KAZN: variants seen among roughly 807,000 people sequenced by gnomAD.
KAZN encodes kazrin.
KAZN carries 40 observed loss-of-function variants against 87.4 expected under a neutral mutation model. That is an observed-to-expected ratio of 0.46 (90% confidence interval 0.36 to 0.60). KAZN has a LOEUF of 0.60. KAZN is among the 20% of genes least tolerant of loss of function. The pLI is 0.00. For synonymous variants in KAZN, 466 were observed against 458.3 expected (o/e 1.02, Z -0.22); for missense variants, 898 against 1,073.9 (o/e 0.84, Z 2.29).
intron 2 of KAZN, among the ~76,000 whole-genome samples, chr1:14,250,853 C>A: frequency 6.6e-6 from 1 of 150,926 alleles, no homozygotes. Context: ...AAAGAAGAAA[C>A]TAAGGGATGA....
intron 8 of KAZN, among the ~76,000 whole-genome samples, chr1:15,076,195 G>C (rs1008702215): frequency 6.6e-6 from 1 of 152,224 alleles, no homozygotes; most frequent in African/African-American, 2.4e-5. Context: ...TTGAGGGCCT[G>C]TCCCCAAATG....
chr1:14,385,946 C>CT (rs1661843307), intron 2 of KAZN, among the ~76,000 whole-genome samples: 1 of 150,516 alleles, frequency 6.6e-6, no homozygotes, highest in African/African-American at 2.5e-5. Flanking sequence ...GTGTGGGAGT[C>CT]TAAGTCTCTT....
intron 2 of KAZN, among the ~76,000 whole-genome samples, chr1:14,299,029 A>T (rs7527386): frequency 0.2 from 30,684 of 152,040 alleles, 3,314 homozygotes; most frequent in East Asian, 0.29. Flanking sequence ...TGTTAATGCA[A>T]CCAGAATAGT....
At chr1:14,285,801 T>G (rs1653201330) in intron 2 of KAZN, among the ~76,000 whole-genome samples, 1 of 152,178 alleles carries the variant, frequency 6.6e-6, no homozygotes, top group African/African-American at 2.4e-5. Flanking sequence ...AATCCTGCAA[T>G]GTAGCCCCTT....
chr1:13,908,503 G>A (rs977995786), intron 1 of KAZN, among the ~76,000 whole-genome samples: 3 of 152,196 alleles, frequency 2.0e-5, no homozygotes, highest in African/African-American at 4.8e-5. Flanking sequence ...AGTTTGTCAG[G>A]TGGTACCACC....
chr1:14,444,178 T>C (rs185241187), intron 2 of KAZN, among the ~76,000 whole-genome samples: 22 of 152,274 alleles, frequency 1.4e-4, no homozygotes, highest in Non-Finnish European at 2.2e-4. Context: ...CAAACCTTCA[T>C]GAGATGTACA....
intron 1 of KAZN, among the ~76,000 whole-genome samples, chr1:14,617,311 A>C (rs1050158703): frequency 6.6e-6 from 1 of 152,232 alleles, no homozygotes; most frequent in Non-Finnish European, 1.5e-5. Context: ...TTATGTTTAC[A>C]CTACATCGTA....
At chr1:14,236,785 G>A (rs1648468167) in intron 2 of KAZN, among the ~76,000 whole-genome samples, 1 of 152,044 alleles carries the variant, frequency 6.6e-6, no homozygotes, top group South Asian at 2.1e-4. Context: ...AGAGCCGGGT[G>A]TGGTGGTATG....
chr1:15,070,191 T>G (rs1172471810), intron 8 of KAZN, among the ~76,000 whole-genome samples: 2 of 152,220 alleles, frequency 1.3e-5, no homozygotes, highest in Non-Finnish European at 2.9e-5. Context: ...GGGGGGCATC[T>G]TCAGTGCATC....
At chr1:14,850,600 C>G (rs1031011399) in intron 1 of KAZN, among the ~76,000 whole-genome samples, 5 of 152,188 alleles carry the variant, frequency 3.3e-5, no homozygotes, top group Non-Finnish European at 5.9e-5. Context: ...CCATGGCCAT[C>G]ACACGTGTGT....
intron 1 of KAZN, among the ~76,000 whole-genome samples, chr1:14,712,362 A>C (rs1330574085): frequency 3.3e-5 from 5 of 152,188 alleles, no homozygotes; most frequent in Admixed American, 6.5e-5. Flanking sequence ...GCTGATCCTC[A>C]GGTTCCAACA....
chr1:14,974,018 G>C (rs1465344531), intron 2 of KAZN, among the ~76,000 whole-genome samples: 1 of 151,978 alleles, frequency 6.6e-6, no homozygotes, highest in African/African-American at 2.4e-5. Context: ...TATTCCTCTG[G>C]ACGACCCAAG....
intron 2 of KAZN, among the ~76,000 whole-genome samples, chr1:14,461,070 T>G (rs1454247845): frequency 6.6e-6 from 1 of 152,178 alleles, no homozygotes; most frequent in Non-Finnish European, 1.5e-5. Context: ...CTATAAGTTT[T>G]GGAGCCTTGT....
At chr1:14,842,539 GA>G (rs1199901051) in intron 1 of KAZN, among the ~76,000 whole-genome samples, 1 of 152,164 alleles carries the variant, frequency 6.6e-6, no homozygotes, top group Non-Finnish European at 1.5e-5. Context: ...CTACATCATC[GA>G]GTGAAATATT....
At chr1:14,836,735 G>A (rs896830895) in intron 1 of KAZN, among the ~76,000 whole-genome samples, 6 of 152,088 alleles carry the variant, frequency 3.9e-5, no homozygotes. Context: ...TGGAGAGGGG[G>A]TGTCTCAGCA....
chr1:14,517,033 G>A (rs565224888), intron 2 of KAZN, among the ~76,000 whole-genome samples: 9 of 152,030 alleles, frequency 5.9e-5, no homozygotes, highest in Admixed American at 1.3e-4. Context: ...TCACTGGCAG[G>A]TCACAGTGGT....
intron 1 of KAZN, among the ~76,000 whole-genome samples, chr1:14,908,916 G>C (rs1484866088): frequency 6.6e-6 from 1 of 152,126 alleles, no homozygotes; most frequent in Non-Finnish European, 1.5e-5. Context: ...TTGGGAGGCT[G>C]AGGTTGCAGT....
In KAZN at chr1:14,438,167, A is replaced by G. The variant is rs115687728; in HGVS notation, c.250-160816A>G. Among the ~76,000 whole-genome samples, 491 of 151,678 alleles carry G rather than the reference A, an allele frequency of 3.2e-3. 4 individuals carry two copies. Among genetic ancestry groups the G allele is most frequent in the African/African-American group, 0.011 (464 of 41,336 alleles). ...TCTGTTTCTGTTCATCCCTTTGCAGATGCCCTGGATGGTCTCTGAGCACAG... is the reference window on the plus strand; with the variant it reads ...TCTGTTTCTGTTCATCCCTTTGCAGGTGCCCTGGATGGTCTCTGAGCACAG... On this transcript the variant is annotated intron_variant, in intron 2 of 16. Transcript: ENST00000636203.
In KAZN at chr1:15,112,491, C is replaced by T. The variant is rs750370600; in HGVS notation, c.2113C>T (p.Arg705Trp). The change falls in exon 14 of 15, where the codon CGG becomes TGG. Residue 705 changes from arginine (R) to tryptophan (W), a missense_variant. This residue lies in a region of KAZN where 127 missense variants were observed against 121.5 expected (regional missense o/e 1.04). Transcript: ENST00000376030. ...TPPGRASSVT[R>W]AGKEENSSGL... ...CCCTGGCAGGGCCTCCAGCGTCACG[C>T]GGGCAGGAAAGGAGGAGAACAGCAG... 3.7e-6 allele frequency: 6 copies of T among 1,605,204 alleles called. No homozygotes were observed. The African/African-American group carries it at 4.1e-5, about 11-fold the overall frequency.
Sources: allele counts gnomAD v4.1 joint callset (sites outside exome capture counted in the v4.1 genomes callset), GRCh38; gene constraint gnomAD v4.1.1; regional missense constraint gnomAD v4.1.1; transcripts MANE v1.5; gene names NCBI Gene and HGNC (gene_info 2026-07-23, HGNC 2026-07-21).